Variants in EBF2 observed in about 807,000 individuals in gnomAD.
The protein encoded by EBF2 is transcription factor COE2.
A neutral mutation model predicts 72.8 loss-of-function variants in EBF2; 21 were observed. That is an observed-to-expected ratio of 0.29 (90% CI 0.20 to 0.42). EBF2 has a LOEUF of 0.42. Ranked by LOEUF, EBF2 falls within the 10% of genes least tolerant of loss-of-function variation. The pLI is 1.00. For synonymous variants in EBF2, 299 were observed against 274.2 expected, an observed-to-expected ratio of 1.09 and a Z score of -0.89; for missense variants, 637 against 731.2, an observed-to-expected ratio of 0.87 and a Z score of 1.49.
chr8:26,012,992 G>A (rs2117236102), intron 6 of EBF2, among the ~76,000 whole-genome samples: 1 of 152,278 alleles, frequency 6.6e-6, no homozygotes, highest in Admixed American at 6.5e-5. Context: ...GAGTTGGTGG[G>A]GGATTGGAAA....
chr8:26,038,818 C>CAA (rs1805550296), intron 5 of EBF2, among the ~76,000 whole-genome samples: 1 of 152,134 alleles, frequency 6.6e-6, no homozygotes, highest in Non-Finnish European at 1.5e-5. Flanking sequence ...TGGTCAAAAC[C>CAA]AAAACAAACA....
chr8:25,951,899 T>A (rs1294427757), intron 6 of EBF2, among the ~76,000 whole-genome samples: 1 of 152,236 alleles, frequency 6.6e-6, no homozygotes, highest in East Asian at 1.9e-4. Flanking sequence ...TTTTCATTAA[T>A]CATTTATTAA....
At chr8:26,018,933 A>T (rs1200297425) in intron 6 of EBF2, among the ~76,000 whole-genome samples, 1 of 86,306 alleles carries the variant, frequency 1.2e-5, no homozygotes. Context: ...CATGGCAATA[A>T]AAAAAAAAAA....
At chr8:26,016,314 A>C (rs1338430640) in intron 6 of EBF2, among the ~76,000 whole-genome samples, 2 of 152,230 alleles carry the variant, frequency 1.3e-5, no homozygotes, top group Non-Finnish European at 2.9e-5. Context: ...ACAGACCAGC[A>C]GGAGGCAGAT....
At chr8:25,912,466 GCACACACACACACA>G (rs141335310) in intron 6 of EBF2, among the ~76,000 whole-genome samples, 1 of 136,856 alleles carries the variant, frequency 7.3e-6, no homozygotes, top group South Asian at 2.5e-4. Context: ...TCTAAAAATG[GCACACACACACACA>G]CACACACACA....
At chr8:26,028,316 A>G (rs1482664934) in intron 6 of EBF2, among the ~76,000 whole-genome samples, 1 of 152,236 alleles carries the variant, frequency 6.6e-6, no homozygotes, top group Non-Finnish European at 1.5e-5. Context: ...CCTCCTGGGA[A>G]CAGAGCTCAG....
chr8:25,874,395 C>T (rs547491857), intron 10 of EBF2, among the ~76,000 whole-genome samples: 4 of 150,264 alleles, frequency 2.7e-5, no homozygotes, highest in African/African-American at 7.3e-5. Context: ...AATACTTTCT[C>T]CCAAATAATG....
chr8:25,911,531 T>C (rs1035702448), intron 6 of EBF2, among the ~76,000 whole-genome samples: 5 of 152,116 alleles, frequency 3.3e-5, no homozygotes, highest in Non-Finnish European at 4.4e-5. Flanking sequence ...TACAGATCCA[T>C]TGGAAATGCC....
intron 6 of EBF2, among the ~76,000 whole-genome samples, chr8:25,931,340 A>T (rs1203483299): frequency 6.6e-6 from 1 of 152,198 alleles, no homozygotes; most frequent in Non-Finnish European, 1.5e-5. Flanking sequence ...CTTGGAGATC[A>T]ATGCATGGCC....
At chr8:26,033,476 C>T (rs1330676959) in intron 5 of EBF2, among the ~76,000 whole-genome samples, 6 of 152,184 alleles carry the variant, frequency 3.9e-5, no homozygotes, top group Admixed American at 3.9e-4. Context: ...GTGATCTGCC[C>T]ACCTCGGCCT....
Position 26,005,559 on chromosome 8 carries a change from T to TAGAG in EBF2, c.551+27525_551+27526insCTCT, listed in dbSNP as rs1362114716. On this transcript the variant is annotated intron_variant, in intron 6 of 15. Transcript: ENST00000520164. ...TATATATTTTATATATATATATATA[T>TAGAG]ATAGAGAGAGAGAGAGAGAGGTATT... 4.8e-3 allele frequency among the ~76,000 whole-genome samples: 268 copies of TAGAG among 55,544 alleles called. 2 individuals carry two copies. The highest frequency in any genetic ancestry group is 0.021 in the African/African-American group (238 of 11,076). 36.4% of individuals were successfully genotyped at this position (55,544 alleles called of 152,430 possible). A position where few individuals can be genotyped will look rare whatever the true frequency, so the allele number is the denominator to read the frequency against.
chr8:25,847,954 C>G (rs1801872353), intron 15 of EBF2, among the ~76,000 whole-genome samples: 1 of 152,068 alleles, frequency 6.6e-6, no homozygotes, highest in Non-Finnish European at 1.5e-5. Flanking sequence ...GCGCCGAAAT[C>G]TCAAATCACC....
At chr8:25,919,817 A>ATCTATT (rs1803279534) in intron 6 of EBF2, among the ~76,000 whole-genome samples, 1 of 152,206 alleles carries the variant, frequency 6.6e-6, no homozygotes, top group Admixed American at 6.5e-5. Context: ...AGGAGAACCC[A>ATCTATT]GCAACCTCCT....
chr8:25,849,246 T>TGACAGTTTCTCTG (rs1159903144), intron 15 of EBF2, among the ~76,000 whole-genome samples: 7 of 152,358 alleles, frequency 4.6e-5, no homozygotes, highest in African/African-American at 1.4e-4. Flanking sequence ...ATTCTGGTTT[T>TGACAGTTTCTCTG]GACAGTTTCT....
rs1393094008 is a variant in EBF2 at position 25,843,459 on chromosome 8, A to G, written c.*1150T>C. 1 of 152,168 alleles carries G rather than the reference A, an allele frequency of 6.6e-6. No individual in the cohort carries two copies. Among genetic ancestry groups the G allele is most frequent in the Non-Finnish European group, 1.5e-5 (1 of 68,054 alleles). The allele number at this position is 152,168 out of a possible 1,614,324, so 9.4% of individuals were successfully genotyped here. A position where few individuals can be genotyped will look rare whatever the true frequency, so the allele number is the denominator to read the frequency against. ...ATGGGGCTGTGTACCTCTGTACTGA[A>G]CCAGGCACCCAAAGCGGAGGGAGTG... is the stretch of plus-strand genomic sequence containing the variant. On this transcript the variant is annotated 3_prime_UTR_variant, in exon 16 of 16. Transcript: ENST00000520164.
intron 6 of EBF2, among the ~76,000 whole-genome samples, chr8:26,025,810 GGATA>G (rs777349266): frequency 6.6e-6 from 1 of 152,044 alleles, no homozygotes; most frequent in African/African-American, 2.4e-5. Context: ...CATTCACATT[GGATA>G]GATAATCTGT....
chr8:25,850,495 G>T, intron 15 of EBF2, 99 bp downstream of exon 15: 1 of 1,329,296 alleles, frequency 7.5e-7, no homozygotes, highest in Non-Finnish European at 1.0e-6. Flanking sequence ...GCATCTCTTT[G>T]CAGGTAAATG....
intron 7 of EBF2, among the ~76,000 whole-genome samples, chr8:25,896,704 C>T (rs903464566): frequency 5.9e-5 from 9 of 152,242 alleles, no homozygotes; most frequent in South Asian, 4.2e-4. Context: ...CTGGCTATGG[C>T]GAGCGACCAA....
intron 10 of EBF2, among the ~76,000 whole-genome samples, chr8:25,868,082 C>A (rs1006321721): frequency 6.6e-6 from 1 of 152,180 alleles, no homozygotes; most frequent in Non-Finnish European, 1.5e-5. Context: ...AAGTACTTAT[C>A]TTTGCCACAA....
Sources: allele counts gnomAD v4.1 joint callset (sites outside exome capture counted in the v4.1 genomes callset), GRCh38; gene constraint gnomAD v4.1.1; transcripts MANE v1.5; gene names NCBI Gene and HGNC (gene_info 2026-07-23, HGNC 2026-07-21).